The following GALNT10 variants were observed in gnomAD, a reference collection of about 807,000 sequenced individuals.
GALNT10 encodes the protein polypeptide N-acetylgalactosaminyltransferase 10.
GALNT10 carries 41 observed loss-of-function variants against 75.0 expected under a neutral mutation model. The ratio of observed to expected loss-of-function variants is 0.55; its 90% CI spans 0.43 to 0.71. GALNT10 has a LOEUF of 0.71. Ranked by LOEUF, GALNT10 falls within the 30% of genes least tolerant of loss-of-function variation. The probability of loss-of-function intolerance (pLI) is 0.00; values close to 1 mark genes in which losing one functional copy is unlikely to be tolerated. For missense variants in GALNT10, 727 were observed against 818.5 expected (o/e 0.89, Z 1.36); for synonymous variants, 302 against 313.0 (o/e 0.96, Z 0.37).
At chr5:154,413,939 T>C (rs980024100) in intron 10 of GALNT10, among the ~76,000 whole-genome samples, 1 of 152,230 alleles carries the variant, frequency 6.6e-6, no homozygotes, top group African/African-American at 2.4e-5. Context: ...AAAGGACTTG[T>C]ATCCTCTCAA....
intron 7 of GALNT10, among the ~76,000 whole-genome samples, chr5:154,401,606 G>A (rs1422141286): frequency 6.6e-6 from 1 of 152,132 alleles, no homozygotes; most frequent in Admixed American, 6.5e-5. Flanking sequence ...CTATTGACTG[G>A]CTGGATTTTT....
intron 4 of GALNT10, among the ~76,000 whole-genome samples, chr5:154,361,179 C>T (rs1755381069): frequency 6.6e-6 from 1 of 151,844 alleles, no homozygotes; most frequent in Non-Finnish European, 1.5e-5. Flanking sequence ...GCCCTTGGTC[C>T]CCCTCTCCAA....
intron 4 of GALNT10, among the ~76,000 whole-genome samples, chr5:154,334,348 G>A (rs1754910752): frequency 6.6e-6 from 1 of 152,198 alleles, no homozygotes; most frequent in Admixed American, 6.5e-5. Flanking sequence ...ACTTTGCCAG[G>A]GGTCTCCACA....
intron 3 of GALNT10, among the ~76,000 whole-genome samples, chr5:154,311,064 G>A (rs534864913): frequency 6.6e-5 from 10 of 152,190 alleles, no homozygotes; most frequent in Non-Finnish European, 1.0e-4. Flanking sequence ...AATTATATGG[G>A]CATCTACTCC....
At chr5:154,228,896 T>C (rs1470621433) in intron 1 of GALNT10, among the ~76,000 whole-genome samples, 1 of 152,252 alleles carries the variant, frequency 6.6e-6, no homozygotes, top group East Asian at 1.9e-4. Context: ...GTTTTTGGTT[T>C]CTGATTATTT....
intron 7 of GALNT10, among the ~76,000 whole-genome samples, chr5:154,396,353 C>CG (rs552218479): frequency 6.6e-6 from 1 of 152,264 alleles, no homozygotes; most frequent in South Asian, 2.1e-4. Flanking sequence ...GGGAGTCCAG[C>CG]GGGTATGGAG....
chr5:154,245,530 G>C lies in GALNT10; in HGVS notation c.160-49286G>C, dbSNP rs1214689811. ...ATGAGTCATATAGCTGGGACTCCGA[G>C]CTCTGGCTTTTTTTTTTTAATTATA... On this transcript the variant is annotated intron_variant, in intron 1 of 11. Transcript: ENST00000297107. Among the ~76,000 whole-genome samples the C allele has an allele frequency of 1.9e-5, 2 of 108,094 alleles. 1 individual carries two copies. The highest frequency in any genetic ancestry group is 2.3e-4 in the Admixed American group (2 of 8,586). 70.9% of individuals were successfully genotyped at this position (108,094 alleles called of 152,430 possible).
intron 1 of GALNT10, among the ~76,000 whole-genome samples, chr5:154,273,127 C>T (rs934622914): frequency 5.3e-5 from 8 of 152,126 alleles, no homozygotes; most frequent in African/African-American, 1.9e-4. Flanking sequence ...ACACTGCACT[C>T]AGAGAAGAAC....
chr5:154,399,770 A>G (rs527717535), intron 7 of GALNT10, among the ~76,000 whole-genome samples: 4 of 152,282 alleles, frequency 2.6e-5, no homozygotes, highest in Non-Finnish European at 4.4e-5. Flanking sequence ...AATGGCAAAT[A>G]CAACAGATGA....
intron 7 of GALNT10, 150 bp downstream of exon 7, chr5:154,386,580 C>G: frequency 3.0e-6 from 1 of 334,314 alleles, no homozygotes; most frequent in South Asian, 2.1e-5. Context: ...GACAGGGGCT[C>G]ATGGGCCACT....
At position 154,293,611 on chromosome 5, in the gene GALNT10, A is replaced by ATT. The variant is rs912343114; in HGVS notation, c.160-1204_160-1203insTT. ...TTGGGGCTGATATATATATATATAT[A>ATT]TATTTTTTTTTTCCTTTCAGCCATT... is the stretch of plus-strand genomic sequence containing the variant. On this transcript the variant is annotated intron_variant, in intron 1 of 11. Transcript: ENST00000297107. Among the ~76,000 whole-genome samples the ATT allele has an allele frequency of 1.1e-3, 107 of 96,780 alleles. 1 individual carries two copies. Among genetic ancestry groups the ATT allele is most frequent in the African/African-American group, 4.5e-3 (102 of 22,602 alleles). The allele number at this position is 96,780 out of a possible 152,430, so 63.5% of individuals were successfully genotyped here. A position where few individuals can be genotyped will look rare whatever the true frequency, so the allele number is the denominator to read the frequency against.
At chr5:154,349,485 A>T (rs975117154) in intron 4 of GALNT10, 3 of 152,094 alleles carry the variant, frequency 2.0e-5, no homozygotes, top group African/African-American at 7.2e-5. Context: ...GAGGCAGGAG[A>T]ATAGCTTGAG....
chr5:154,256,895 G>A (rs1485463418), intron 1 of GALNT10, among the ~76,000 whole-genome samples: 1 of 151,960 alleles, frequency 6.6e-6, no homozygotes, highest in African/African-American at 2.4e-5. Context: ...CTTTTGATTG[G>A]GCAGTGCTGA....
chr5:154,335,927 G>T (rs145378995), intron 4 of GALNT10, among the ~76,000 whole-genome samples: 1 of 152,150 alleles, frequency 6.6e-6, no homozygotes, highest in Non-Finnish European at 1.5e-5. Flanking sequence ...ACCATATGAC[G>T]TATAGCATCA....
intron 1 of GALNT10, among the ~76,000 whole-genome samples, chr5:154,286,385 GTTTT>G (rs57576993): frequency 7.2e-6 from 1 of 139,268 alleles, no homozygotes; most frequent in Non-Finnish European, 1.6e-5. Flanking sequence ...GAGTCGATTT[GTTTT>G]TTTTTTTTTT....
chr5:154,297,704 A>G (rs1754301635), intron 2 of GALNT10, among the ~76,000 whole-genome samples: 1 of 152,206 alleles, frequency 6.6e-6, no homozygotes. Context: ...GTGGAATGAG[A>G]GGTCTCATGT....
intron 7 of GALNT10, among the ~76,000 whole-genome samples, chr5:154,398,250 C>T (rs1756087968): frequency 6.6e-6 from 1 of 152,242 alleles, no homozygotes; most frequent in South Asian, 2.1e-4. Context: ...CTGCATCCCC[C>T]TACAGGGGTG....
Position 154,416,935 on chromosome 5 carries a change from C to T in GALNT10, c.1775C>T (p.Thr592Ile), listed in dbSNP as rs535948214. Residue 592 changes from threonine to isoleucine, a missense_variant, in exon 12 of 12, where the codon ACC (threonine) becomes ATC (isoleucine). Transcript: ENST00000297107. This position sits in a 1 kb window ranked among gnomAD's most constrained non-coding sequence, Gnocchi z 4.5. ...SLTQQWLFEHTNSTVLEKFNR... is the reference protein window; with the variant it reads ...SLTQQWLFEHINSTVLEKFNR... Reference sequence around the variant, plus strand: ...ACCCAGCAGTGGCTGTTTGAACACACCAACTCAACAGTCTTGGAAAAATTC... The same window carrying T: ...ACCCAGCAGTGGCTGTTTGAACACATCAACTCAACAGTCTTGGAAAAATTC... 2.5e-6 allele frequency: 4 copies of T among 1,614,186 alleles called. No individual in the cohort carries two copies. Among genetic ancestry groups the T allele is most frequent in the Non-Finnish European group, 3.4e-6 (4 of 1,179,984 alleles).
At chr5:154,264,142 A>G (rs1046783725) in intron 1 of GALNT10, among the ~76,000 whole-genome samples, 1 of 152,008 alleles carries the variant, frequency 6.6e-6, no homozygotes, top group East Asian at 1.9e-4. Context: ...GCAAAACGCC[A>G]TCTCTACTAA....
Sources: gnomAD v4.1 joint callset for allele counts (sites outside exome capture counted in the v4.1 genomes callset) on GRCh38, gnomAD v4.1.1 for gene constraint, Gnocchi (gnomAD v3.1) non-coding constraint, MANE v1.5 for transcripts, NCBI Gene and HGNC (gene_info 2026-07-23, HGNC 2026-07-21) for gene names.